Variants in CARMIL1 observed in about 807,000 individuals in gnomAD.
The protein encoded by CARMIL1 is capping protein regulator and myosin 1 linker 1.
CARMIL1 carries 90 observed loss-of-function variants against 177.1 expected under a neutral mutation model. The observed-to-expected ratio is 0.51, with a 90% confidence interval of 0.43 to 0.61. The LOEUF (loss-of-function observed/expected upper bound fraction) is 0.61. CARMIL1 is among the 20% of genes least tolerant of loss of function. The probability of loss-of-function intolerance (pLI) is 0.00; values close to 1 mark genes in which losing one functional copy is unlikely to be tolerated. For synonymous variants in CARMIL1, 577 were observed against 606.2 expected (o/e 0.95, Z 0.71); for missense variants, 1,380 against 1,667.0 (o/e 0.83, Z 3.00).
At position 25,520,263 on chromosome 6, in the gene CARMIL1, A is replaced by C. The variant is rs1013856490; in HGVS notation, c.1894A>C (p.Met632Leu). The C allele has an allele frequency of 3.9e-6, 6 of 1,546,688 alleles. No individual in the cohort carries two copies. Among genetic ancestry groups the C allele is most frequent in the Non-Finnish European group, 5.3e-6 (6 of 1,140,956 alleles). ...TTCTAGGAACTACACATTAAGATTT[A>C]TGCCAATTCCTATGTATGATGCTTC... ...AMEKNYTLRFMPIPMYDASQA... is the reference protein window; with the variant it reads ...AMEKNYTLRFLPIPMYDASQA... The change falls in exon 23 of 37, where the codon ATG (methionine) becomes CTG (leucine). Residue 632 changes from methionine (M) to leucine (L), a missense_variant. Met to Leu is a conservative substitution (Grantham distance 15). Transcript: ENST00000329474.
At chr6:25,410,002 C>T (rs920442276) in intron 2 of CARMIL1, among the ~76,000 whole-genome samples, 6 of 152,018 alleles carry the variant, frequency 3.9e-5, no homozygotes, top group African/African-American at 1.2e-4. Context: ...TCCTTCTTTC[C>T]TTATTTTTTA....
In CARMIL1 at chr6:25,341,276, T is replaced by C. The variant is rs140287668; in HGVS notation, c.138+56367T>C. 5.2e-3 allele frequency among the ~76,000 whole-genome samples: 798 copies of C among 152,230 alleles called. 5 individuals carry two copies. The highest frequency in any genetic ancestry group is 0.014 in the African/African-American group (593 of 41,538). ...AGAGAGATCTGAGACTTGCAGAAGG[T>C]GCCAGAGACAATAAAAAAAAGTAGT... On this transcript the variant is annotated intron_variant, in intron 2 of 36. Transcript: ENST00000329474.
chr6:25,449,288 A>G (rs913878470), intron 5 of CARMIL1, among the ~76,000 whole-genome samples: 13 of 152,216 alleles, frequency 8.5e-5, no homozygotes, highest in African/African-American at 2.9e-4. Flanking sequence ...TCAGTTCCTG[A>G]AAAAGGAAAC....
chr6:25,323,977 T>C (rs993985146), intron 2 of CARMIL1, among the ~76,000 whole-genome samples: 5 of 152,242 alleles, frequency 3.3e-5, no homozygotes, highest in African/African-American at 2.4e-5. Context: ...TTGACTGTTA[T>C]GGCAGAAGGC....
chr6:25,485,482 C>A (rs923322607), intron 12 of CARMIL1, among the ~76,000 whole-genome samples: 2 of 152,216 alleles, frequency 1.3e-5, no homozygotes, highest in Non-Finnish European at 2.9e-5. Flanking sequence ...GTTGCACGAT[C>A]TTGGCTCACT....
chr6:25,493,010 C>T (rs17318575), intron 15 of CARMIL1, among the ~76,000 whole-genome samples: 53 of 152,128 alleles, frequency 3.5e-4, no homozygotes, highest in African/African-American at 5.5e-4. Flanking sequence ...TATATTTTGG[C>T]GAACATTTGA....
chr6:25,607,759 G>A (rs753136183), intron 35 of CARMIL1, among the ~76,000 whole-genome samples: 39 of 151,904 alleles, frequency 2.6e-4, no homozygotes, highest in Admixed American at 1.8e-3. Context: ...TTCATTTCCC[G>A]AGTGGCCAGC....
chr6:25,458,043 G>T lies in CARMIL1; in HGVS notation c.614+7332G>T, dbSNP rs1429645964. 1.3e-5 allele frequency among the ~76,000 whole-genome samples: 2 copies of T among 152,006 alleles called. 1 individual carries two copies. Among genetic ancestry groups the T allele is most frequent in the Non-Finnish European group, 2.9e-5 (2 of 68,024 alleles). On this transcript the variant is annotated intron_variant, in intron 8 of 36. Coordinates refer to ENST00000329474, the MANE Select transcript of CARMIL1 (RefSeq NM_017640.6). ...GGAAAGGGAGTAAGGAGGGAAATTA[G>T]TACTGATAATAATAACTAGGAAAAT...
chr6:25,564,296 G>GA (rs1158527633), intron 29 of CARMIL1, among the ~76,000 whole-genome samples: 1 of 152,168 alleles, frequency 6.6e-6, no homozygotes, highest in East Asian at 1.9e-4. Context: ...CCTGAGCAGA[G>GA]ATGCAGGAGT....
At position 25,559,324 on chromosome 6, in the gene CARMIL1, A is replaced by G. The variant is rs115126768; in HGVS notation, c.2742+2474A>G. Among the ~76,000 whole-genome samples, 1,374 of 152,272 alleles carry G rather than the reference A, an allele frequency of 9.0e-3. 15 individuals are homozygous for G. Among genetic ancestry groups the G allele is most frequent in the African/African-American group, 0.028 (1,168 of 41,548 alleles). ...CAAGCTGTGACCCTCATACGATGCCATTGGGGGAAAAAAGTTTGCAGTCCA... is the reference window on the plus strand; with the variant it reads ...CAAGCTGTGACCCTCATACGATGCCGTTGGGGGAAAAAAGTTTGCAGTCCA... On this transcript the variant is annotated intron_variant, in intron 29 of 36. Transcript: ENST00000329474.
intron 31 of CARMIL1, among the ~76,000 whole-genome samples, chr6:25,584,029 T>TC (rs1813395480): frequency 2.9e-5 from 4 of 138,814 alleles, no homozygotes; most frequent in East Asian, 2.0e-4. Context: ...TCTTTTTCTT[T>TC]TTTTTTTTTT....
In CARMIL1 at chr6:25,500,201, T is replaced by A; in HGVS notation, c.1361T>A (p.Leu454Ter). The A allele has an allele frequency of 6.2e-7, 1 of 1,614,006 alleles. No individual in the cohort carries two copies. Among genetic ancestry groups the A allele is most frequent in the Non-Finnish European group, 8.5e-7 (1 of 1,179,876 alleles). The change falls in exon 17 of 37, where the codon TTG (leucine) becomes TAG (stop). Residue 454 changes from leucine (L) to a stop codon, truncating the protein, a stop_gained. Coordinates refer to ENST00000329474, the MANE Select transcript of CARMIL1 (RefSeq NM_017640.6). LOFTEE classifies it high-confidence loss of function. ...LLLGLACNHNLKGVSLDLSNC... is the reference protein window; with the variant it reads ...LLLGLACNHN Reference sequence around the variant, plus strand: ...TTGGGCCTGGCTTGTAATCATAACTTGAAAGGGGTTTCTCTGGATCTCAGC... The same window carrying A: ...TTGGGCCTGGCTTGTAATCATAACTAGAAAGGGGTTTCTCTGGATCTCAGC...
rs553150636 is a variant in CARMIL1, at chr6:25,407,570, C to T, written c.139-12544C>T. Among the ~76,000 whole-genome samples, 9 of 152,104 alleles carry T rather than the reference C, an allele frequency of 5.9e-5. No homozygotes were observed. The South Asian group carries it at 8.3e-4, about 14-fold the overall frequency. ...AAGTCATCTTCCCAGATGAAGGGAA[C>T]GGAATCAGGTTGCTGGGTAAGATCA... On this transcript the variant is annotated intron_variant, in intron 2 of 36. Transcript: ENST00000329474.
At chr6:25,335,825 C>T (rs1213900280) in intron 2 of CARMIL1, among the ~76,000 whole-genome samples, 1 of 152,194 alleles carries the variant, frequency 6.6e-6, no homozygotes, top group East Asian at 1.9e-4. Flanking sequence ...TGTTTATTGT[C>T]TCTAGTTTCT....
intron 2 of CARMIL1, among the ~76,000 whole-genome samples, chr6:25,357,145 G>A (rs1398735781): frequency 1.3e-5 from 2 of 151,108 alleles, no homozygotes; most frequent in African/African-American, 4.9e-5. Context: ...TTTTTTCTCA[G>A]GAGGATTTAC....
At chr6:25,307,665 A>C (rs1783382555) in intron 2 of CARMIL1, among the ~76,000 whole-genome samples, 1 of 152,250 alleles carries the variant, frequency 6.6e-6, no homozygotes, top group Admixed American at 6.5e-5. Flanking sequence ...AAGTAAACAG[A>C]GATGTATTTA....
At chr6:25,543,782 A>C (rs1465521297) in intron 26 of CARMIL1, among the ~76,000 whole-genome samples, 1 of 152,150 alleles carries the variant, frequency 6.6e-6, no homozygotes, top group Non-Finnish European at 1.5e-5. Context: ...TTCCAAAGCA[A>C]AAGAAAGGAA....
At chr6:25,444,375 CT>C (rs539763385) in intron 5 of CARMIL1, among the ~76,000 whole-genome samples, 1 of 150,746 alleles carries the variant, frequency 6.6e-6, no homozygotes. Flanking sequence ...TTCACAGTGT[CT>C]TTTTTTTTTA....
intron 2 of CARMIL1, among the ~76,000 whole-genome samples, chr6:25,353,456 C>T (rs1233398804): frequency 6.6e-6 from 1 of 152,136 alleles, no homozygotes; most frequent in Admixed American, 6.5e-5. Flanking sequence ...TGATCTCTTG[C>T]CATGTGTCTA....
Sources: allele counts gnomAD v4.1 joint callset (sites outside exome capture counted in the v4.1 genomes callset), GRCh38; gene constraint gnomAD v4.1.1; transcripts MANE v1.5; gene names NCBI Gene and HGNC (gene_info 2026-07-23, HGNC 2026-07-21).